TSEN15: variants seen among roughly 807,000 people sequenced by gnomAD.
The protein encoded by TSEN15 is tRNA-splicing endonuclease subunit Sen15.
In TSEN15, 10 loss-of-function variants were observed where a neutral mutation model predicts 20.5. The ratio of observed to expected loss-of-function variants is 0.49; its 90% CI spans 0.30 to 0.83. The LOEUF (loss-of-function observed/expected upper bound fraction) is 0.83. TSEN15 is among the 40% of genes least tolerant of loss of function. The pLI is 0.06. For missense variants in TSEN15, 180 were observed against 218.6 expected (o/e 0.82, Z 1.11); for synonymous variants, 72 against 80.1 (o/e 0.90, Z 0.54).
At chr1:184,055,030 G>C in intron 3 of TSEN15, 167 bp downstream of exon 3, 1 of 701,456 alleles carries the variant, frequency 1.4e-6, no homozygotes, top group South Asian at 2.6e-5. Flanking sequence ...GGCCATTCTT[G>C]CATTGCTATA....
intron 3 of TSEN15, among the ~76,000 whole-genome samples, chr1:184,069,242 T>G (rs1650797513): frequency 6.6e-6 from 1 of 152,182 alleles, no homozygotes; most frequent in South Asian, 2.1e-4. Flanking sequence ...TTGCTGTTAT[T>G]AAATAGCTAT....
At chr1:184,075,448 G>A (rs561307260), downstream of TSEN15, among the ~76,000 whole-genome samples, 2 of 149,468 alleles carry the variant, frequency 1.3e-5, no homozygotes, top group Non-Finnish European at 2.9e-5. Context: ...AACAAGAAAT[G>A]TATTTTTTAA....
At chr1:184,055,078 A>G (rs1047291566) in intron 3 of TSEN15, 2 of 491,982 alleles carry the variant, frequency 4.1e-6, no homozygotes, top group African/African-American at 3.9e-5. Context: ...TTAAAAAAAA[A>G]AGAAGAGGTT....
intron 3 of TSEN15, among the ~76,000 whole-genome samples, chr1:184,089,330 TCTTA>T (rs1328297253): frequency 6.6e-6 from 1 of 152,210 alleles, no homozygotes; most frequent in East Asian, 1.9e-4. Context: ...TGTTTTGTTT[TCTTA>T]CTTGTTTGTT....
In TSEN15 at chr1:184,057,427, TA is replaced by T. The variant is rs575137648; in HGVS notation, c.353+2566del. ...AGCATGAATACCGTTGATGAATACT[TA>T]ACATTTTTTCTAGCTGACTATGACT... On this transcript the variant is annotated intron_variant, in intron 3 of 4. Transcript: ENST00000645668. Among the ~76,000 whole-genome samples, 468 of 152,266 alleles carry T rather than the reference TA, an allele frequency of 3.1e-3. 1 individual carries two copies. Among genetic ancestry groups the T allele is most frequent in the African/African-American group, 7.3e-3 (304 of 41,552 alleles).
chr1:184,051,764 G>C lies in TSEN15; in HGVS notation c.9G>C (p.Glu3Asp). 2.0e-6 allele frequency: 3 copies of C among 1,492,818 alleles called. No individual in the cohort carries two copies. Among genetic ancestry groups the C allele is most frequent in the Non-Finnish European group, 2.7e-6 (3 of 1,121,304 alleles). The allele number at this position is 1,492,818 out of a possible 1,614,324, so 92.5% of individuals were successfully genotyped here. The change falls in exon 1 of 5, where the codon GAG becomes GAC. Residue 3 changes from glutamate to aspartate, a missense_variant. Transcript: ENST00000645668. Reference protein sequence around the residue: MEERGDSEPTPGC... With the variant: MEDRGDSEPTPGC... ...GCGCCGCACCGGCCGGCATGGAGGA[G>C]CGCGGCGATTCCGAGCCGACCCCCG... is the stretch of plus-strand genomic sequence containing the variant.
chr1:184,063,311 G>A (rs1053028230), intron 3 of TSEN15, among the ~76,000 whole-genome samples: 7 of 152,120 alleles, frequency 4.6e-5, no homozygotes, highest in Non-Finnish European at 7.4e-5. Flanking sequence ...ATACCAAATT[G>A]CTCCTTTGCA....
rs189140175 is a variant in TSEN15, at chr1:184,072,971, A to G, written c.*124A>G. On this transcript the variant is annotated 3_prime_UTR_variant, in exon 5 of 5. Coordinates refer to ENST00000645668, the MANE Select transcript of TSEN15 (RefSeq NM_052965.4). ...TAGTGAGGGTTGACTTCCCCATTCC[A>G]TAAGGTTTTCATTCTGAAGAGTAAA... The G allele has an allele frequency of 1.2e-3, 1,084 of 921,056 alleles. 2 individuals are homozygous for G. The highest frequency in any genetic ancestry group is 1.5e-3 in the Non-Finnish European group (924 of 605,222). 57.1% of individuals were successfully genotyped at this position (921,056 alleles called of 1,614,324 possible).
At chr1:184,054,593 G>C (rs761509900) in intron 2 of TSEN15, 135 bp from the exon 3 acceptor site, 29 of 1,183,272 alleles carry the variant, frequency 2.5e-5, no homozygotes, top group Non-Finnish European at 3.3e-5. Flanking sequence ...CTGAGTAACA[G>C]AAGCTACTAG....
chr1:184,075,758 C>T (rs1179900350), downstream of TSEN15, among the ~76,000 whole-genome samples: 1 of 151,914 alleles, frequency 6.6e-6, no homozygotes, highest in Non-Finnish European at 1.5e-5. Flanking sequence ...GTACTCACAT[C>T]CCCTTTTTCT....
intron 3 of TSEN15, chr1:184,058,320 A>G (rs1387707428): frequency 1.6e-5 from 5 of 304,480 alleles, no homozygotes; most frequent in Non-Finnish European, 1.9e-5. Context: ...AAATATTCTT[A>G]ACTATATTAT....
downstream of TSEN15, among the ~76,000 whole-genome samples, chr1:184,079,113 C>T (rs1651117044): frequency 6.6e-6 from 1 of 152,114 alleles, no homozygotes; most frequent in Non-Finnish European, 1.5e-5. Flanking sequence ...CCGTTCCTTA[C>T]CACCCCCTAA....
rs142533409 is a variant in TSEN15, at chr1:184,071,973, A to T, written c.354-184A>T. 1.9e-3 allele frequency: 941 copies of T among 490,580 alleles called. 5 individuals are homozygous for T. The highest frequency in any genetic ancestry group is 7.3e-3 in the African/African-American group (367 of 50,330). 30.4% of individuals were successfully genotyped at this position (490,580 alleles called of 1,614,324 possible). ...TCCTTCTGTGATTCCAATTATGTGT[A>T]ATGTTGAACTTATTTGATACTATAC... On this transcript the variant is annotated intron_variant, in intron 3 of 4. Coordinates refer to ENST00000645668, the MANE Select transcript of TSEN15 (RefSeq NM_052965.4).
intron 3 of TSEN15, among the ~76,000 whole-genome samples, chr1:184,080,260 C>T (rs12411231): frequency 0.11 from 17,075 of 152,216 alleles, 1,088 homozygotes; most frequent in Admixed American, 0.2. Context: ...TTGATGCTCA[C>T]AACAGAGCTG....
downstream of TSEN15, among the ~76,000 whole-genome samples, chr1:184,078,504 G>C (rs755097451): frequency 1.9e-4 from 29 of 152,128 alleles, no homozygotes; most frequent in Non-Finnish European, 4.1e-4. Flanking sequence ...GAAATGGCAT[G>C]TGAGGATTTC....
intron 3 of TSEN15, among the ~76,000 whole-genome samples, chr1:184,089,477 G>A (rs1445840247): frequency 2.0e-5 from 3 of 152,076 alleles, no homozygotes; most frequent in Non-Finnish European, 4.4e-5. Context: ...CAGACCATAT[G>A]GAAAATGGCA....
chr1:184,066,424 A>T (rs1349044680), intron 3 of TSEN15, among the ~76,000 whole-genome samples: 6 of 151,084 alleles, frequency 4.0e-5, no homozygotes, highest in African/African-American at 1.5e-4. Context: ...TTTTTTTGAG[A>T]CAGGGTCTCA....
intron 3 of TSEN15, chr1:184,094,422 A>C (rs1456720291): frequency 6.6e-6 from 1 of 152,264 alleles, no homozygotes; most frequent in African/African-American, 2.4e-5. Flanking sequence ...CTCTTCAGGC[A>C]TCTCACAAGC....
At chr1:184,081,898 T>C (rs1651176500) in intron 3 of TSEN15, among the ~76,000 whole-genome samples, 2 of 152,190 alleles carry the variant, frequency 1.3e-5, no homozygotes, top group Non-Finnish European at 2.9e-5. Context: ...GTTCTTCTGA[T>C]GCACCAGATT....
Sources: allele counts gnomAD v4.1 joint callset (sites outside exome capture counted in the v4.1 genomes callset), GRCh38; gene constraint gnomAD v4.1.1; transcripts MANE v1.5; gene names NCBI Gene and HGNC (gene_info 2026-07-23, HGNC 2026-07-21).